LDLRAD4: variants seen among roughly 807,000 people sequenced by gnomAD.
LDLRAD4 encodes low-density lipoprotein receptor class A domain-containing protein 4.
In LDLRAD4, 5 loss-of-function variants were observed where a neutral mutation model predicts 17.0. The observed-to-expected ratio is 0.29, with a 90% CI of 0.15 to 0.62. The LOEUF (loss-of-function observed/expected upper bound fraction) is 0.62, where lower values mean the gene tolerates loss of function less well. Among genes scored for constraint, LDLRAD4 ranks in the 20% least tolerant of loss-of-function variants. LDLRAD4 has a pLI of 0.84. For missense variants in LDLRAD4, 340 were observed against 424.7 expected (o/e 0.80, Z 1.75); for synonymous variants, 168 against 171.8 (o/e 0.98, Z 0.17).
intron 2 of LDLRAD4, among the ~76,000 whole-genome samples, chr18:13,431,920 A>G (rs2090360237): frequency 1.3e-5 from 2 of 152,222 alleles, no homozygotes; most frequent in African/African-American, 4.8e-5. Flanking sequence ...ATGAACGGGA[A>G]TGTCAGCCCG....
intron 1 of LDLRAD4, among the ~76,000 whole-genome samples, chr18:13,253,269 C>G (rs899456308): frequency 3.3e-5 from 5 of 152,176 alleles, no homozygotes; most frequent in South Asian, 4.2e-4. Flanking sequence ...GACCAGGACC[C>G]TCGCCCGGAG....
At chr18:13,410,200 G>A (rs949955708) in intron 2 of LDLRAD4, among the ~76,000 whole-genome samples, 5 of 151,958 alleles carry the variant, frequency 3.3e-5, no homozygotes, top group African/African-American at 7.3e-5. Flanking sequence ...CTAAGGAGAC[G>A]GGACAAACAC....
At chr18:13,600,466 C>T (rs2095148373) in intron 3 of LDLRAD4, among the ~76,000 whole-genome samples, 1 of 152,200 alleles carries the variant, frequency 6.6e-6, no homozygotes, top group Non-Finnish European at 1.5e-5. Flanking sequence ...GGTCTCCTGA[C>T]CAGCATCCAA....
chr18:13,646,496 T>C (rs543997433), exon 6 of LDLRAD4: 23 of 152,364 alleles, frequency 1.5e-4, no homozygotes, highest in African/African-American at 5.5e-4. Context: ...GGATGGAAGA[T>C]AAGATAGGGA....
chr18:13,523,226 G>C (rs1160439811), intron 3 of LDLRAD4, among the ~76,000 whole-genome samples: 1 of 152,236 alleles, frequency 6.6e-6, no homozygotes, highest in Admixed American at 6.5e-5. Flanking sequence ...CCTAGGTGAA[G>C]GGATTTGGTA....
intron 3 of LDLRAD4, among the ~76,000 whole-genome samples, chr18:13,545,719 G>A (rs972349288): frequency 6.6e-6 from 1 of 152,212 alleles, no homozygotes; most frequent in African/African-American, 2.4e-5. Context: ...GAGATGTTAT[G>A]GAGCCAAGCA....
At chr18:13,251,904 C>T (rs1422632768) in intron 1 of LDLRAD4, among the ~76,000 whole-genome samples, 1 of 152,186 alleles carries the variant, frequency 6.6e-6, no homozygotes, top group African/African-American at 2.4e-5. Flanking sequence ...ATTGAGGAGG[C>T]TATGGTGCTT....
chr18:13,493,780 G>A (rs762508475), intron 3 of LDLRAD4, among the ~76,000 whole-genome samples: 2 of 152,166 alleles, frequency 1.3e-5, no homozygotes, highest in East Asian at 3.8e-4. Context: ...CTGGGAAGAG[G>A]GGCACAGAAC....
At chr18:13,457,710 T>A (rs8087070) in intron 3 of LDLRAD4, among the ~76,000 whole-genome samples, 16,501 of 152,080 alleles carry the variant, frequency 0.11, 1,224 homozygotes, top group African/African-American at 0.21. Flanking sequence ...GCACCACCAC[T>A]TCTCCCCGTG....
At chr18:13,356,205 GATCTGGGGCAGGCC>G (rs2083331824) in intron 1 of LDLRAD4, among the ~76,000 whole-genome samples, 1 of 152,228 alleles carries the variant, frequency 6.6e-6, no homozygotes, top group Non-Finnish European at 1.5e-5. Flanking sequence ...AGAGTGCTGG[GATCTGGGGCAGGCC>G]ACTGGGCATG....
At chr18:13,623,993 G>C (rs1244178784) in intron 4 of LDLRAD4, among the ~76,000 whole-genome samples, 2 of 152,234 alleles carry the variant, frequency 1.3e-5, no homozygotes, top group African/African-American at 4.8e-5. Flanking sequence ...GACATTTGCA[G>C]TGTCTGGCAT....
At chr18:13,525,831 A>C (rs1324180176) in intron 3 of LDLRAD4, among the ~76,000 whole-genome samples, 1 of 152,162 alleles carries the variant, frequency 6.6e-6, no homozygotes, top group East Asian at 1.9e-4. Flanking sequence ...GACCAGGAGG[A>C]ACGGTTCTTC....
At chr18:13,220,603 T>C (rs1260922650) in intron 1 of LDLRAD4, among the ~76,000 whole-genome samples, 3 of 152,178 alleles carry the variant, frequency 2.0e-5, no homozygotes, top group Non-Finnish European at 2.9e-5. Context: ...ATATTTATTT[T>C]CCCCCAACTG....
At chr18:13,616,197 G>C (rs764548368) in intron 3 of LDLRAD4, 2 of 151,202 alleles carry the variant, frequency 1.3e-5, no homozygotes, top group Non-Finnish European at 2.9e-5. Flanking sequence ...CAGGCTGTGG[G>C]TGTTTAGTGG....
At chr18:13,226,179 G>GTTTTTTTTT (rs1243883704) in intron 1 of LDLRAD4, among the ~76,000 whole-genome samples, 35 of 11,446 alleles carry the variant, frequency 3.1e-3, no homozygotes, top group Admixed American at 7.0e-3. Context: ...GCCATGCCTT[G>GTTTTTTTTT]CTTTTTTTTT....
At chr18:13,436,398 G>A (rs2090659295) in intron 2 of LDLRAD4, among the ~76,000 whole-genome samples, 1 of 152,192 alleles carries the variant, frequency 6.6e-6, no homozygotes, top group Non-Finnish European at 1.5e-5. Context: ...CATTTCTTGG[G>A]TAGTTTAATG....
Position 13,544,862 on chromosome 18 carries a change from C to CG in LDLRAD4, c.182-76254dup, listed in dbSNP as rs371772956. Reference sequence around the variant, plus strand: ...CCCTGGAGCACATCAGAAGGTTAGACGTCATGGCAGGTGATGGTTTGTCTT... The same window carrying CG: ...CCCTGGAGCACATCAGAAGGTTAGACGGTCATGGCAGGTGATGGTTTGTCTT... On this transcript the variant is annotated intron_variant, in intron 3 of 5. Transcript: ENST00000359446. Among the ~76,000 whole-genome samples, 309 of 145,572 alleles carry CG rather than the reference C, an allele frequency of 2.1e-3. 3 individuals are homozygous for CG. Among genetic ancestry groups the CG allele is most frequent in the African/African-American group, 7.5e-3 (296 of 39,428 alleles).
intron 3 of LDLRAD4, among the ~76,000 whole-genome samples, chr18:13,470,019 A>T (rs2092724456): frequency 6.6e-6 from 1 of 152,228 alleles, no homozygotes; most frequent in Non-Finnish European, 1.5e-5. Context: ...TCGTGGGACT[A>T]TTTGGAGTGC....
intron 1 of LDLRAD4, among the ~76,000 whole-genome samples, chr18:13,342,938 T>C (rs1267646801): frequency 6.6e-6 from 1 of 152,130 alleles, no homozygotes; most frequent in African/African-American, 2.4e-5. Context: ...ATATCATCCA[T>C]TACTTTCTCA....
Sources: allele counts gnomAD v4.1 joint callset (sites outside exome capture counted in the v4.1 genomes callset), GRCh38; gene constraint gnomAD v4.1.1; transcripts MANE v1.5; gene names NCBI Gene and HGNC (gene_info 2026-07-23, HGNC 2026-07-21).